SLC6A14: variants seen among roughly 807,000 people sequenced by gnomAD.
The protein encoded by SLC6A14 is solute carrier family 6 member 14, also known as sodium- and chloride-dependent neutral and basic amino acid transporter B(0+).
In SLC6A14, 21 loss-of-function variants were observed where a neutral mutation model predicts 51.4. The ratio of observed to expected loss-of-function variants is 0.41; its 90% CI spans 0.29 to 0.59. The LOEUF is 0.59. Among genes scored for constraint, SLC6A14 ranks in the 20% least tolerant of loss-of-function variants. SLC6A14 has a pLI of 0.31. For synonymous variants in SLC6A14, 177 were observed against 160.7 expected (o/e 1.10, Z -0.77); for missense variants, 371 against 472.8 (o/e 0.78, Z 2.00).
chrX:116,440,049 T>G (rs1230194213), intron 2 of SLC6A14, among the ~76,000 whole-genome samples: 1 of 111,856 alleles, frequency 8.9e-6, no homozygotes, highest in Non-Finnish European at 1.9e-5. Flanking sequence ...CCCATTTTTA[T>G]CCACTGATCC....
At chrX:116,438,678 T>C (rs1556693471) in intron 2 of SLC6A14, among the ~76,000 whole-genome samples, 2 of 111,860 alleles carry the variant, frequency 1.8e-5, no homozygotes, top group African/African-American at 6.5e-5. Flanking sequence ...TGCACAATTC[T>C]CTAGTAATGT....
rs1927990079 is a variant in SLC6A14, at chrX:116,459,001, A to T, written c.*46A>T. On this transcript the variant is annotated 3_prime_UTR_variant, in exon 14 of 14. Coordinates refer to ENST00000598581, the MANE Select transcript of SLC6A14 (RefSeq NM_007231.5). ...ATGATTGTATAATGTGATTTTTTTT[A>T]GAATAGGGGGAACCTTATTTATTTG... The T allele has an allele frequency of 9.7e-7, 1 of 1,029,120 alleles. No homozygotes were observed. Among genetic ancestry groups the T allele is most frequent in the Non-Finnish European group, 1.3e-6 (1 of 751,659 alleles). The allele number at this position is 1,029,120 out of a possible 1,213,427, so 84.8% of individuals were successfully genotyped here.
chrX:116,437,765 G>A, intron 1 of SLC6A14, 25 bp from the exon 2 acceptor site: 1 of 1,184,988 alleles, frequency 8.4e-7, no homozygotes, highest in African/African-American at 1.8e-5. Context: ...AGAAAGGCAA[G>A]CTGTTGATAT....
chrX:116,460,334 T>G lies in SLC6A14; in HGVS notation c.*1379T>G, dbSNP rs782764798. The G allele has an allele frequency of 9.0e-6, 1 of 110,965 alleles. No individual in the cohort carries two copies. The highest frequency in any genetic ancestry group is 1.9e-5 in the Non-Finnish European group (1 of 53,037). The allele number at this position is 110,965 out of a possible 1,213,427, so 9.1% of individuals were successfully genotyped here. ...AAATGAGTGACAATAGAAGAAATAA[T>G]TTTTCTTACACATTTTAAAACGTTT... On this transcript the variant is annotated 3_prime_UTR_variant, in exon 14 of 14. Transcript: ENST00000598581.
chrX:116,445,593 C>T (rs1234083548), intron 6 of SLC6A14, among the ~76,000 whole-genome samples: 1 of 109,010 alleles, frequency 9.2e-6, no homozygotes, highest in Non-Finnish European at 1.9e-5. Flanking sequence ...TAAAGATTGC[C>T]AAAATGGACA....
chrX:116,443,931 A>G (rs1927653710), intron 5 of SLC6A14, 141 bp downstream of exon 5: 3 of 494,905 alleles, frequency 6.1e-6, no homozygotes, highest in Non-Finnish European at 9.6e-6. Context: ...ATTTAACTCA[A>G]ATGTCTACCT....
intron 8 of SLC6A14, 101 bp downstream of exon 8, chrX:116,451,771 T>C (rs1246466330): frequency 2.1e-6 from 1 of 475,450 alleles, no homozygotes; most frequent in Non-Finnish European, 3.4e-6. Flanking sequence ...AGTCATGATT[T>C]AGAATATTGA....
chrX:116,446,022 G>A (rs1264199709), intron 6 of SLC6A14, among the ~76,000 whole-genome samples: 4 of 105,736 alleles, frequency 3.8e-5, no homozygotes, highest in Non-Finnish European at 7.9e-5. Flanking sequence ...GTCCATTAAA[G>A]GCCATTTACC....
Position 116,459,686 on chromosome X carries a change from G to T in SLC6A14, c.*731G>T, listed in dbSNP as rs1488340037. ...CCCATATACAATCTTCCTTCCTTAGGTAATTTGGAAGAAAACTATGACCCA... is the reference window on the plus strand; with the variant it reads ...CCCATATACAATCTTCCTTCCTTAGTTAATTTGGAAGAAAACTATGACCCA... On this transcript the variant is annotated 3_prime_UTR_variant, in exon 14 of 14. Transcript: ENST00000598581. 4.5e-5 allele frequency: 5 copies of T among 111,698 alleles called. No individual in the cohort carries two copies. Among genetic ancestry groups the T allele is most frequent in the African/African-American group, 1.6e-4 (5 of 30,672 alleles). 9.2% of individuals were successfully genotyped at this position (111,698 alleles called of 1,213,427 possible).
At chrX:116,444,210 A>C (rs1311078246) in intron 5 of SLC6A14, among the ~76,000 whole-genome samples, 2 of 112,267 alleles carry the variant, frequency 1.8e-5, no homozygotes, top group African/African-American at 3.2e-5. Context: ...TTATATGGTA[A>C]GAATAGATAT....
chrX:116,461,370 G>A lies in SLC6A14; in HGVS notation c.*2415G>A, dbSNP rs928262223. On this transcript the variant is annotated 3_prime_UTR_variant, in exon 14 of 14. Coordinates refer to ENST00000598581, the MANE Select transcript of SLC6A14 (RefSeq NM_007231.5). ...CATCAAATCCCACTTACTTTAATGC[G>A]AACTTGGAGATAATTTATGGTATTG... The A allele has an allele frequency of 1.4e-4, 18 of 130,008 alleles. No homozygotes were observed. Among genetic ancestry groups the A allele is most frequent in the African/African-American group, 1.9e-4 (6 of 31,255 alleles). 10.7% of individuals were successfully genotyped at this position (130,008 alleles called of 1,213,427 possible). A position where few individuals can be genotyped will look rare whatever the true frequency, so the allele number is the denominator to read the frequency against.
In SLC6A14 at chrX:116,460,575, G is replaced by A. The variant is rs1477037472; in HGVS notation, c.*1620G>A. On this transcript the variant is annotated 3_prime_UTR_variant, in exon 14 of 14. Coordinates refer to ENST00000598581, the MANE Select transcript of SLC6A14 (RefSeq NM_007231.5). ...TTCTTTTTCCTTTTTTTTTTTTTTG[G>A]TGGGGGGCTGGGGGTCAGAGTCTTG... is the stretch of plus-strand genomic sequence containing the variant. 1 of 84,219 alleles carries A rather than the reference G, an allele frequency of 1.2e-5. No individual in the cohort carries two copies. Among genetic ancestry groups the A allele is most frequent in the East Asian group, 3.3e-4 (1 of 2,997 alleles). The allele number at this position is 84,219 out of a possible 1,213,427, so 6.9% of individuals were successfully genotyped here. A position where few individuals can be genotyped will look rare whatever the true frequency, so the allele number is the denominator to read the frequency against.
intron 10 of SLC6A14, 70 bp downstream of exon 10, chrX:116,454,512 C>T: frequency 1.5e-6 from 1 of 664,305 alleles, no homozygotes; most frequent in South Asian, 2.6e-5. Flanking sequence ...ACTAAAGAAA[C>T]CAAAGCTTAA....
rs201142609 is a variant in SLC6A14 at position 116,436,772 on chromosome X, G to A, written c.48+15G>A. ...GGGAGAAGGAGGTAGGGGTCTGGGA[G>A]CTGCGGGAGGTGTGGAGGACCTGAG... On this transcript the variant is annotated intron_variant, in intron 1 of 13. Coordinates refer to ENST00000598581, the MANE Select transcript of SLC6A14 (RefSeq NM_007231.5). 24 of 1,159,749 alleles carry A rather than the reference G, an allele frequency of 2.1e-5. No individual in the cohort carries two copies. Among genetic ancestry groups the A allele is most frequent in the Non-Finnish European group, 1.5e-5 (13 of 868,781 alleles).
intron 6 of SLC6A14, 102 bp from the exon 7 acceptor site, chrX:116,446,639 T>G (rs1927719434): frequency 4.8e-6 from 3 of 631,298 alleles, no homozygotes; most frequent in South Asian, 6.7e-5. Context: ...TCCCCTGTAC[T>G]TTATTTAATT....
rs1556694675 is a variant in SLC6A14, at chrX:116,455,088, CTA to C, written c.1504+15_1504+16del. On this transcript the variant is annotated intron_variant, in intron 11 of 13. Transcript: ENST00000598581. ...CATCTGGATTTATGGTAAATAGTAA[CTA>C]TAAAATTATTTTCCAGTTTTATTAA... The C allele has an allele frequency of 5.5e-6, 6 of 1,081,663 alleles. No individual in the cohort carries two copies. Among genetic ancestry groups the C allele is most frequent in the Admixed American group, 4.6e-5 (2 of 43,581 alleles). 89.1% of individuals were successfully genotyped at this position (1,081,663 alleles called of 1,213,427 possible). A position where few individuals can be genotyped will look rare whatever the true frequency, so the allele number is the denominator to read the frequency against.
At position 116,458,988 on chromosome X, in the gene SLC6A14, T is replaced by C. The variant is rs782089910; in HGVS notation, c.*33T>C. 6.5e-5 allele frequency: 73 copies of C among 1,127,122 alleles called. No homozygotes were observed. The South Asian group carries it at 1.1e-3, about 18-fold the overall frequency. The allele number at this position is 1,127,122 out of a possible 1,213,427, so 92.9% of individuals were successfully genotyped here. On this transcript the variant is annotated 3_prime_UTR_variant, in exon 14 of 14. Coordinates refer to ENST00000598581, the MANE Select transcript of SLC6A14 (RefSeq NM_007231.5). ...TTGAAAAAAATATATGATTGTATAA[T>C]GTGATTTTTTTTAGAATAGGGGGAA...
In SLC6A14 at chrX:116,443,728, T is replaced by A. The variant is rs782712218; in HGVS notation, c.594T>A (p.Phe198Leu). ...MNKSWVDINN[F>L]TCINGSEIYQ... Reference sequence around the variant, plus strand: ...AAAGCTGGGTAGACATCAACAATTTTACCTGCATCAACGGCAGTGAAATTT... The same window carrying A: ...AAAGCTGGGTAGACATCAACAATTTAACCTGCATCAACGGCAGTGAAATTT... Residue 198 changes from phenylalanine (F) to leucine (L), a missense_variant, in exon 5 of 14, where the codon TTT (phenylalanine) becomes TTA (leucine). Phe to Leu is a conservative substitution (Grantham distance 22). Coordinates refer to ENST00000598581, the MANE Select transcript of SLC6A14 (RefSeq NM_007231.5). 7 of 1,207,232 alleles carry A rather than the reference T, an allele frequency of 5.8e-6. No individual in the cohort carries two copies. In the Admixed American group the frequency reaches 1.5e-4, roughly 26 times the overall value.
intron 6 of SLC6A14, among the ~76,000 whole-genome samples, chrX:116,445,459 A>G (rs1306358203): frequency 1.8e-4 from 5 of 28,296 alleles, no homozygotes; most frequent in Admixed American, 1.2e-3. Flanking sequence ...CCCTAGTCGG[A>G]GAGAGAGAGA....
Sources: allele counts gnomAD v4.1 joint callset (sites outside exome capture counted in the v4.1 genomes callset), GRCh38; gene constraint gnomAD v4.1.1; transcripts MANE v1.5; gene names NCBI Gene and HGNC (gene_info 2026-07-23, HGNC 2026-07-21).